Variants in SLC38A8 observed in about 807,000 individuals in gnomAD.
SLC38A8 encodes the protein amino acid transporter SLC38A8.
Under a neutral mutation model 46.0 loss-of-function variants are expected in SLC38A8, and 65 were observed. That is an observed-to-expected ratio of 1.41 (90% CI 1.16 to 1.74). The LOEUF (loss-of-function observed/expected upper bound fraction) is 1.74, where lower values mean the gene tolerates loss of function less well. Ranked by LOEUF, SLC38A8 falls within the 40% of genes most tolerant of loss-of-function variation. The pLI is 0.00. For missense variants in SLC38A8, 998 were observed against 567.9 expected (o/e 1.76, Z -7.70); for synonymous variants, 447 against 243.7 (o/e 1.83, Z -7.77).
intron 7 of SLC38A8, among the ~76,000 whole-genome samples, chr16:84,019,509 C>T (rs959033588): frequency 6.6e-6 from 1 of 152,224 alleles, no homozygotes; most frequent in Non-Finnish European, 1.5e-5. Context: ...AAAGGCCCCA[C>T]CTCTCGATAC....
Position 84,022,861 on chromosome 16 carries a change from C to A in SLC38A8, c.719G>T (p.Cys240Phe), listed in dbSNP as rs753335344. 6.2e-6 allele frequency: 10 copies of A among 1,608,208 alleles called. No homozygotes were observed. In the South Asian group the frequency reaches 8.9e-5, roughly 14 times the overall value. The stretch of plus-strand genomic sequence containing the variant: ...GGAGAGGCTCCGTTTGCGCATGCTG[C>A]AGTAGATGGAGACGGCAGCTTCGTG... ...QCHEAAVSIY[C>F]SMRKRSLSHW... The change falls in exon 7 of 11, where the codon TGC becomes TTC. Residue 240 changes from cysteine to phenylalanine, a missense_variant. Transcript: ENST00000299709.
chr16:84,017,198 G>C lies in SLC38A8; in HGVS notation c.895C>G (p.Arg299Gly). The C allele has an allele frequency of 2.5e-6, 4 of 1,614,048 alleles. No homozygotes were observed. The highest frequency in any genetic ancestry group is 4.5e-5 in the East Asian group (2 of 44,888). ...ACGATGGAGACAGCAAAAAGGACCCGGGCCACAATGATGACCATATCATTG... is the reference window on the plus strand; with the variant it reads ...ACGATGGAGACAGCAAAAAGGACCCCGGCCACAATGATGACCATATCATTG... The part of the protein sequence containing the change: ...PGNDMVIIVA[R>G]VLFAVSIVTV... The change falls in exon 8 of 11, where the codon CGG becomes GGG. Residue 299 changes from arginine (R) to glycine (G), a missense_variant. By Grantham distance (125) the Arg-to-Gly change is moderately radical. Coordinates refer to ENST00000299709, the MANE Select transcript of SLC38A8 (RefSeq NM_001080442.3).
intron 2 of SLC38A8, among the ~76,000 whole-genome samples, chr16:84,039,087 G>T (rs2085336809): frequency 6.6e-6 from 1 of 152,174 alleles, no homozygotes. Flanking sequence ...TGTCCTTGTA[G>T]AGACAGAAGG....
intron 5 of SLC38A8, among the ~76,000 whole-genome samples, 184 bp from the exon 6 acceptor site, chr16:84,029,735 G>A (rs2085215917): frequency 6.6e-6 from 1 of 152,152 alleles, no homozygotes; most frequent in Admixed American, 6.5e-5. Context: ...GCTAAATGCT[G>A]CACTTTCTAA....
chr16:84,030,282 T>C (rs537542741), intron 5 of SLC38A8, among the ~76,000 whole-genome samples: 1 of 152,230 alleles, frequency 6.6e-6, no homozygotes, highest in African/African-American at 2.4e-5. Context: ...CTGACCACAC[T>C]TTGATCACTT....
At chr16:84,038,496 G>C (rs577901577) in intron 2 of SLC38A8, among the ~76,000 whole-genome samples, 3 of 152,282 alleles carry the variant, frequency 2.0e-5, no homozygotes, top group African/African-American at 7.2e-5. Context: ...GCAAGCTGCA[G>C]ATCCCAGTGT....
chr16:84,017,369 G>C, intron 7 of SLC38A8, 82 bp from the exon 8 acceptor site: 1 of 1,515,064 alleles, frequency 6.6e-7, no homozygotes, highest in Non-Finnish European at 9.0e-7. Context: ...GACAGCGCCT[G>C]GCTTTACCAC....
chr16:84,012,406 C>G (rs1341952922), intron 10 of SLC38A8, among the ~76,000 whole-genome samples: 6 of 152,232 alleles, frequency 3.9e-5, no homozygotes, highest in Admixed American at 3.9e-4. Context: ...TCCAAATTAT[C>G]TGGTCTCAAC....
intron 2 of SLC38A8, among the ~76,000 whole-genome samples, chr16:84,039,543 G>A (rs372110745): frequency 1.3e-5 from 2 of 152,150 alleles, no homozygotes; most frequent in African/African-American, 4.8e-5. Context: ...TCAGGAGATC[G>A]AGACCATCCT....
At chr16:84,010,588 A>C (rs1337723831) in intron 10 of SLC38A8, among the ~76,000 whole-genome samples, 3 of 152,066 alleles carry the variant, frequency 2.0e-5, no homozygotes, top group Non-Finnish European at 2.9e-5. Context: ...CTAAAAATAA[A>C]AATAAAAAAT....
chr16:84,033,232 C>A, intron 4 of SLC38A8, 96 bp downstream of exon 4: 1 of 1,539,636 alleles, frequency 6.5e-7, no homozygotes, highest in South Asian at 1.2e-5. Flanking sequence ...ATGTGAAGGC[C>A]AATTCCCCAG....
chr16:84,015,036 T>C (rs981831623), intron 9 of SLC38A8, among the ~76,000 whole-genome samples: 16 of 152,180 alleles, frequency 1.1e-4, no homozygotes, highest in African/African-American at 3.9e-4. Flanking sequence ...TTCTTGTCTG[T>C]TTGACATAAC....
chr16:84,036,081 C>A (rs34968571), intron 3 of SLC38A8, among the ~76,000 whole-genome samples: 31,594 of 152,216 alleles, frequency 0.21, 3,555 homozygotes, highest in South Asian at 0.27. Flanking sequence ...AGCAATGATA[C>A]AGACTCCCTG....
chr16:84,036,555 A>T, intron 3 of SLC38A8, 147 bp downstream of exon 3: 1 of 889,554 alleles, frequency 1.1e-6, no homozygotes, highest in Non-Finnish European at 1.7e-6. Flanking sequence ...TCCCTTCCCT[A>T]CCATGTTAGG....
intron 9 of SLC38A8, among the ~76,000 whole-genome samples, chr16:84,015,253 TG>T (rs1488452848): frequency 2.6e-5 from 4 of 152,112 alleles, no homozygotes; most frequent in Non-Finnish European, 1.5e-5. Context: ...TGGGCTCCAG[TG>T]GGCCACTACA....
rs144889482 is a variant in SLC38A8, at chr16:84,041,941, C to T, written c.189+28G>A. On this transcript the variant is annotated intron_variant, in intron 2 of 10. Coordinates refer to ENST00000299709, the MANE Select transcript of SLC38A8 (RefSeq NM_001080442.3). ...AAAGCCAAAGCCACCTCGTACCCGT[C>T]CCCAGGACTCACTTCCCGGGGACTT... is the stretch of plus-strand genomic sequence containing the variant. 6.1e-3 allele frequency: 9,455 copies of T among 1,550,072 alleles called. 66 individuals are homozygous for T. The highest frequency in any genetic ancestry group is 0.024 in the South Asian group (1,957 of 82,092).
intron 10 of SLC38A8, 93 bp from the exon 11 acceptor site, chr16:84,009,970 A>T: frequency 1.0e-6 from 1 of 970,696 alleles, no homozygotes; most frequent in Non-Finnish European, 1.5e-6. Context: ...AGAGCCCAGT[A>T]TGGAGTCATC....
intron 6 of SLC38A8, among the ~76,000 whole-genome samples, chr16:84,028,293 C>T (rs1233377357): frequency 2.6e-5 from 4 of 152,032 alleles, no homozygotes; most frequent in Non-Finnish European, 5.9e-5. Context: ...CGAAAATAAG[C>T]AGCGTGGCCA....
chr16:84,013,271 G>A (rs543917068), intron 9 of SLC38A8, among the ~76,000 whole-genome samples: 4 of 152,226 alleles, frequency 2.6e-5, no homozygotes, highest in African/African-American at 4.8e-5. Flanking sequence ...AGGTCTGGCA[G>A]CAACCGACTT....
Sources: allele counts gnomAD v4.1 joint callset (sites outside exome capture counted in the v4.1 genomes callset), GRCh38; gene constraint gnomAD v4.1.1; transcripts MANE v1.5; gene names NCBI Gene and HGNC (gene_info 2026-07-23, HGNC 2026-07-21).